Variants in GNG7 observed in about 807,000 individuals in gnomAD.
The protein encoded by GNG7 is guanine nucleotide-binding protein G(I)/G(S)/G(O) subunit gamma-7.
Under a neutral mutation model 4.0 loss-of-function variants are expected in GNG7, and 1 was observed. That is an observed-to-expected ratio of 0.25 (90% CI 0.09 to 1.18). GNG7 has a LOEUF of 1.18. Ranked by LOEUF, GNG7 falls within the 50% of genes most tolerant of loss-of-function variation. The pLI is 0.50. For missense variants in GNG7, 86 were observed against 91.9 expected (o/e 0.94, Z 0.26); for synonymous variants, 34 against 36.9 (o/e 0.92, Z 0.29).
chr19:2,559,665 C>T (rs990333826), intron 2 of GNG7, among the ~76,000 whole-genome samples: 2 of 144,686 alleles, frequency 1.4e-5, no homozygotes, highest in South Asian at 4.2e-4. Context: ...CAGGCATGCA[C>T]CGCCATGCCC....
intron 1 of GNG7, among the ~76,000 whole-genome samples, chr19:2,659,592 T>TAAAAAAAAAAAAA (rs879035849): frequency 2.3e-5 from 1 of 43,474 alleles, no homozygotes; most frequent in Non-Finnish European, 3.9e-5. Context: ...GACTCCATCT[T>TAAAAAAAAAAAAA]AAAAAAAAAA....
intron 2 of GNG7, among the ~76,000 whole-genome samples, chr19:2,615,454 GTTTTTTTTT>G (rs56036626): frequency 9.6e-4 from 47 of 48,846 alleles, no homozygotes; most frequent in Non-Finnish European, 1.5e-3. Context: ...GTCTTTTCCG[GTTTTTTTTT>G]TTTTTTTTTT....
intron 2 of GNG7, among the ~76,000 whole-genome samples, chr19:2,630,487 C>T (rs1450522707): frequency 6.6e-6 from 1 of 152,072 alleles, no homozygotes; most frequent in Non-Finnish European, 1.5e-5. Flanking sequence ...TTGGGCCTTT[C>T]CTGAAATGAG....
chr19:2,568,630 T>C (rs1436210941), intron 2 of GNG7, among the ~76,000 whole-genome samples: 1 of 134,908 alleles, frequency 7.4e-6, no homozygotes, highest in East Asian at 2.3e-4. Flanking sequence ...CATACACACA[T>C]ATATACACAT....
At chr19:2,577,199 T>C (rs1980367865) in intron 2 of GNG7, among the ~76,000 whole-genome samples, 1 of 152,160 alleles carries the variant, frequency 6.6e-6, no homozygotes, top group Non-Finnish European at 1.5e-5. Context: ...CGTCACGGTT[T>C]GTGGGGTCAG....
chr19:2,662,316 G>A (rs1339382040), intron 1 of GNG7, among the ~76,000 whole-genome samples: 4 of 151,468 alleles, frequency 2.6e-5, no homozygotes, highest in Non-Finnish European at 5.9e-5. Flanking sequence ...AATGTGAGAG[G>A]AGTTTCCCCA....
intron 1 of GNG7, among the ~76,000 whole-genome samples, chr19:2,702,005 G>A (rs1360299163): frequency 8.0e-5 from 9 of 113,172 alleles, no homozygotes; most frequent in Middle Eastern, 8.1e-3. Context: ...GCAAACTCAA[G>A]ACCTCCAATT....
At chr19:2,685,449 C>T (rs540501795) in intron 1 of GNG7, among the ~76,000 whole-genome samples, 2 of 152,020 alleles carry the variant, frequency 1.3e-5, no homozygotes, top group Admixed American at 6.6e-5. Context: ...TATAGCAAGA[C>T]CCCATCTCTA....
intron 2 of GNG7, among the ~76,000 whole-genome samples, chr19:2,607,882 C>A (rs1343780888): frequency 6.6e-6 from 1 of 152,024 alleles, no homozygotes; most frequent in Non-Finnish European, 1.5e-5. Context: ...GAGCAGTCCC[C>A]CCAGGACAGC....
At chr19:2,603,802 G>A (rs1309091301) in intron 2 of GNG7, among the ~76,000 whole-genome samples, 2 of 152,072 alleles carry the variant, frequency 1.3e-5, no homozygotes, top group Non-Finnish European at 1.5e-5. Context: ...TTTTACAGAA[G>A]GAGGAACTAA....
chr19:2,683,295 G>A (rs1232551050), intron 1 of GNG7, among the ~76,000 whole-genome samples: 1 of 151,570 alleles, frequency 6.6e-6, no homozygotes, highest in South Asian at 2.1e-4. Context: ...GCCTGGGTGG[G>A]AGGCCAGGCT....
At chr19:2,533,373 G>T (rs959784020) in intron 3 of GNG7, among the ~76,000 whole-genome samples, 1 of 152,004 alleles carries the variant, frequency 6.6e-6, no homozygotes, top group Non-Finnish European at 1.5e-5. Context: ...AAACTATGGT[G>T]ATAGAAATGA....
chr19:2,553,916 T>C (rs999631218), intron 3 of GNG7, among the ~76,000 whole-genome samples: 2 of 147,590 alleles, frequency 1.4e-5, no homozygotes, highest in Non-Finnish European at 3.0e-5. Context: ...CATGTGCATA[T>C]TGCATGTAAT....
Position 2,633,991 on chromosome 19 carries a change from G to T in GNG7, c.-78+12233C>A, listed in dbSNP as rs1434121062. Among the ~76,000 whole-genome samples the T allele has an allele frequency of 6.6e-6, 1 of 152,050 alleles. No individual in the cohort carries two copies. The highest frequency in any genetic ancestry group is 1.5e-5 in the Non-Finnish European group (1 of 67,992). ...GACCCCCTGGGATAGGGGATTCCACGGACCCCCAAGAGACTCCGCGTCCCA... is the reference window on the plus strand; with the variant it reads ...GACCCCCTGGGATAGGGGATTCCACTGACCCCCAAGAGACTCCGCGTCCCA... On this transcript the variant is annotated intron_variant, in intron 2 of 4. Transcript: ENST00000382159. This position sits in a 1 kb window ranked among gnomAD's most constrained non-coding sequence, Gnocchi z 5.9.
intron 3 of GNG7, among the ~76,000 whole-genome samples, chr19:2,528,956 C>G (rs559572993): frequency 6.6e-6 from 1 of 152,194 alleles, no homozygotes; most frequent in Non-Finnish European, 1.5e-5. Flanking sequence ...CTGCACCCAG[C>G]GAATGTGGAA....
intron 1 of GNG7, among the ~76,000 whole-genome samples, chr19:2,647,417 C>T (rs12459764): frequency 0.21 from 31,281 of 152,050 alleles, 3,588 homozygotes; most frequent in East Asian, 0.5. Context: ...ACCCCACGAG[C>T]CTTTCCCTTC....
chr19:2,608,940 T>A (rs1333841462), intron 2 of GNG7, among the ~76,000 whole-genome samples: 3 of 152,308 alleles, frequency 2.0e-5, no homozygotes, highest in African/African-American at 7.2e-5. Context: ...CATTTTAAAG[T>A]GAACAATTCA....
At chr19:2,587,073 C>T (rs959940342) in intron 2 of GNG7, among the ~76,000 whole-genome samples, 1 of 151,228 alleles carries the variant, frequency 6.6e-6, no homozygotes, top group Non-Finnish European at 1.5e-5. Context: ...CGCAACACCA[C>T]ATCCGGCTAA....
chr19:2,689,079 T>A (rs954413522), intron 1 of GNG7, among the ~76,000 whole-genome samples: 8 of 151,062 alleles, frequency 5.3e-5, no homozygotes, highest in African/African-American at 1.7e-4. Flanking sequence ...AAAATGTAAA[T>A]GTAAATTTAA....
Sources: allele counts gnomAD v4.1 joint callset (sites outside exome capture counted in the v4.1 genomes callset), GRCh38; gene constraint gnomAD v4.1.1; non-coding constraint Gnocchi (gnomAD v3.1); transcripts MANE v1.5; gene names NCBI Gene and HGNC (gene_info 2026-07-23, HGNC 2026-07-21).